TTC21B: variants seen among roughly 807,000 people sequenced by gnomAD.
The protein encoded by TTC21B is tetratricopeptide repeat domain 21B, also known as tetratricopeptide repeat protein 21B.
Under a neutral mutation model 175.1 loss-of-function variants are expected in TTC21B, and 127 were observed. The observed-to-expected ratio is 0.73, with a 90% CI of 0.63 to 0.84. TTC21B has a LOEUF of 0.84. Ranked by LOEUF, TTC21B falls within the 40% of genes least tolerant of loss-of-function variation. TTC21B has a pLI of 0.00. For missense variants in TTC21B, 1,561 were observed against 1,558.3 expected (o/e 1.00, Z -0.03); for synonymous variants, 524 against 524.5 (o/e 1.00, Z 0.01).
intron 18 of TTC21B, among the ~76,000 whole-genome samples, chr2:165,911,122 CAATT>C (rs1321600630): frequency 1.3e-5 from 2 of 151,948 alleles, no homozygotes; most frequent in African/African-American, 2.4e-5. Context: ...TTCTATAACA[CAATT>C]AACTGTTTCA....
intron 17 of TTC21B, among the ~76,000 whole-genome samples, chr2:165,911,674 T>A (rs1301300822): frequency 6.6e-6 from 1 of 151,692 alleles, no homozygotes; most frequent in African/African-American, 2.4e-5. Context: ...ATATATTTTT[T>A]TTTTTTGAGT....
chr2:165,915,482 A>T, intron 14 of TTC21B, 43 bp from the exon 15 acceptor site: 1 of 1,402,384 alleles, frequency 7.1e-7, no homozygotes, highest in Non-Finnish European at 1.0e-6. Flanking sequence ...CAAAATAGTG[A>T]ACAAATAACA....
At chr2:165,886,484 C>T (rs1574067179) in intron 25 of TTC21B, among the ~76,000 whole-genome samples, 1 of 152,150 alleles carries the variant, frequency 6.6e-6, no homozygotes, top group East Asian at 1.9e-4. Flanking sequence ...TGAATACATG[C>T]AGCCTAGGAG....
At chr2:165,891,321 G>C (rs997665873) in intron 22 of TTC21B, among the ~76,000 whole-genome samples, 3 of 152,104 alleles carry the variant, frequency 2.0e-5, no homozygotes, top group African/African-American at 7.2e-5. Context: ...GTGAAGTTCA[G>C]GAATACCGAT....
At chr2:165,877,372 G>C (rs1450077347) in intron 27 of TTC21B, among the ~76,000 whole-genome samples, 2 of 152,128 alleles carry the variant, frequency 1.3e-5, no homozygotes, top group Non-Finnish European at 2.9e-5. Context: ...TATATAGTCA[G>C]GCACTGCATG....
At chr2:165,928,971 C>G in intron 11 of TTC21B, 164 bp downstream of exon 11, 1 of 652,614 alleles carries the variant, frequency 1.5e-6, no homozygotes, top group South Asian at 1.8e-5. Context: ...TGACAGCAGT[C>G]ATTACTAAAA....
rs985195140 is a variant in TTC21B, at chr2:165,874,308, T to G, written c.*447A>C. The G allele has an allele frequency of 6.5e-6, 1 of 155,008 alleles. No individual in the cohort carries two copies. The highest frequency in any genetic ancestry group is 1.4e-5 in the Non-Finnish European group (1 of 70,146). 9.6% of individuals were successfully genotyped at this position (155,008 alleles called of 1,614,324 possible). A position where few individuals can be genotyped will look rare whatever the true frequency, so the allele number is the denominator to read the frequency against. ...TTGCAGTGAGCCAAGATCGTGCCAC[T>G]GCACTCCAGCCTGGGCGGCAGATCA... On this transcript the variant is annotated 3_prime_UTR_variant, in exon 29 of 29. Transcript: ENST00000243344.
chr2:165,917,722 G>C (rs1415090476), intron 13 of TTC21B, among the ~76,000 whole-genome samples: 25 of 152,152 alleles, frequency 1.6e-4, no homozygotes, highest in Non-Finnish European at 1.5e-5. Flanking sequence ...TATTTCTACT[G>C]TGACAGAAGA....
chr2:165,938,772 A>G (rs1687258355), intron 6 of TTC21B, among the ~76,000 whole-genome samples: 1 of 151,992 alleles, frequency 6.6e-6, no homozygotes, highest in African/African-American at 2.4e-5. Flanking sequence ...GGGAGAGGGA[A>G]AGAAAGAGTG....
chr2:165,915,718 A>C (rs1398249030), intron 14 of TTC21B, among the ~76,000 whole-genome samples: 1 of 152,176 alleles, frequency 6.6e-6, no homozygotes, highest in Non-Finnish European at 1.5e-5. Context: ...ATGAGCACTT[A>C]CTAAGCACCC....
At chr2:165,949,255 A>G in intron 3 of TTC21B, 139 bp downstream of exon 3, 1 of 699,458 alleles carries the variant, frequency 1.4e-6, no homozygotes. Context: ...CCTTGTCAGG[A>G]AGATAAACAT....
chr2:165,891,270 T>C lies in TTC21B; in HGVS notation c.2951-282A>G, dbSNP rs554814349. On this transcript the variant is annotated intron_variant, in intron 22 of 28. Transcript: ENST00000243344. ...TCTATTGTTTGGGGGACCAAAACCT[T>C]AGAGAAACAGCCCCTACCTAGGTAA... Among the ~76,000 whole-genome samples, 6 of 152,218 alleles carry C rather than the reference T, an allele frequency of 3.9e-5. No homozygotes were observed. In the South Asian group the frequency reaches 8.3e-4, roughly 21 times the overall value.
At chr2:165,907,851 AT>A (rs1470524725) in intron 18 of TTC21B, 67 bp from the exon 19 acceptor site, 70 of 1,200,614 alleles carry the variant, frequency 5.8e-5, no homozygotes, top group Non-Finnish European at 7.8e-5. Context: ...TTTTTCCAGA[AT>A]TTTTAAAACT....
At chr2:165,878,835 C>T (rs746159275) in intron 27 of TTC21B, among the ~76,000 whole-genome samples, 1 of 152,032 alleles carries the variant, frequency 6.6e-6, no homozygotes, top group Non-Finnish European at 1.5e-5. Flanking sequence ...GCGCCCGCCA[C>T]CATGCCCGGC....
At chr2:165,921,914 G>T (rs1266114924) in intron 12 of TTC21B, among the ~76,000 whole-genome samples, 1 of 150,992 alleles carries the variant, frequency 6.6e-6, no homozygotes, top group African/African-American at 2.4e-5. Context: ...TGAAATTCTG[G>T]TGCACTCATC....
chr2:165,907,907 A>T, intron 18 of TTC21B, 123 bp from the exon 19 acceptor site: 1 of 663,976 alleles, frequency 1.5e-6, no homozygotes, highest in South Asian at 1.9e-5. Flanking sequence ...ATACGGTTAA[A>T]ATTTTCTCAA....
At chr2:165,882,052 T>C (rs1684852370) in intron 26 of TTC21B, among the ~76,000 whole-genome samples, 1 of 152,148 alleles carries the variant, frequency 6.6e-6, no homozygotes. Flanking sequence ...AATTATTATT[T>C]ATCTTGATTA....
Position 165,949,635 on chromosome 2 carries a change from T to G in TTC21B, c.111A>C (p.Pro37=). Residue 37 remains proline (P), a synonymous_variant, in exon 2 of 29, where the codon CCA becomes CCC. Coordinates refer to ENST00000243344, the MANE Select transcript of TTC21B (RefSeq NM_024753.5). ...CATAGGCATGATAAAACCTGAAGAC[T>G]GGATCACTTCCATACCTCTTAATTC... ...SEGIKRYGSD[P]VFRFYHAYGT... 6.2e-7 allele frequency: 1 copy of G among 1,613,702 alleles called. No homozygotes were observed. Among genetic ancestry groups the G allele is most frequent in the Non-Finnish European group, 8.5e-7 (1 of 1,179,874 alleles).
intron 22 of TTC21B, among the ~76,000 whole-genome samples, chr2:165,894,452 G>C (rs1685294868): frequency 6.6e-6 from 1 of 152,146 alleles, no homozygotes. Context: ...ATGTTTTAGA[G>C]TAATTCCAAC....
Sources: allele counts gnomAD v4.1 joint callset (sites outside exome capture counted in the v4.1 genomes callset), GRCh38; gene constraint gnomAD v4.1.1; transcripts MANE v1.5; gene names NCBI Gene and HGNC (gene_info 2026-07-23, HGNC 2026-07-21).